The following LARP1B variants were observed in gnomAD, a reference collection of about 807,000 sequenced individuals.
LARP1B encodes la-related protein 1B.
LARP1B carries 76 observed loss-of-function variants against 114.2 expected under a neutral mutation model. The ratio of observed to expected loss-of-function variants is 0.67; its 90% CI spans 0.55 to 0.81. LARP1B has a LOEUF of 0.81. Ranked by LOEUF, LARP1B falls within the 30% of genes least tolerant of loss-of-function variation. The pLI is 0.00. For missense variants in LARP1B, 1,014 were observed against 1,075.8 expected (o/e 0.94, Z 0.80); for synonymous variants, 345 against 348.0 (o/e 0.99, Z 0.10).
At chr4:128,091,593 G>T in intron 7 of LARP1B, 81 bp downstream of exon 7, 1 of 1,161,302 alleles carries the variant, frequency 8.6e-7, no homozygotes. Context: ...TAATGAATAT[G>T]CTATAATTTT....
chr4:128,103,215 C>T (rs749652099), intron 8 of LARP1B, among the ~76,000 whole-genome samples: 2 of 152,114 alleles, frequency 1.3e-5, no homozygotes, highest in Non-Finnish European at 2.9e-5. Context: ...TAATTTTGTG[C>T]ATGGTGTAAT....
At chr4:128,186,479 TG>T (rs1316690003) in intron 15 of LARP1B, among the ~76,000 whole-genome samples, 11 of 152,090 alleles carry the variant, frequency 7.2e-5, no homozygotes, top group South Asian at 2.1e-4. Flanking sequence ...TAAATGCTAC[TG>T]TTTTTTTGTA....
Position 128,082,217 on chromosome 4 carries a change from T to C in LARP1B, c.270T>C (p.Ser90=). The stretch of plus-strand genomic sequence containing the variant: ...ACTTAGATGTTGTAAGATCAGAGAG[T>C]CAAGAAAGACCTGGATCCCGGAACA... The part of the protein sequence containing the change: ...PLHLDVVRSE[S]QERPGSRNSS... Residue 90 remains serine, a synonymous_variant, in exon 5 of 20, where the codon AGT becomes AGC. Transcript: ENST00000326639. The C allele has an allele frequency of 6.2e-7, 1 of 1,612,602 alleles. No homozygotes were observed.
At chr4:128,066,697 C>T (rs1358540226) in intron 1 of LARP1B, among the ~76,000 whole-genome samples, 4 of 151,846 alleles carry the variant, frequency 2.6e-5, no homozygotes, top group Admixed American at 6.6e-5. Flanking sequence ...AGGCTGGTCT[C>T]GACTTCCTGA....
intron 5 of LARP1B, among the ~76,000 whole-genome samples, chr4:128,089,020 A>G (rs1295131487): frequency 6.6e-6 from 1 of 152,124 alleles, no homozygotes; most frequent in Admixed American, 6.5e-5. Flanking sequence ...GGATGGAACT[A>G]TGGGATCTAG....
At chr4:128,066,526 G>A (rs1457886115) in intron 1 of LARP1B, among the ~76,000 whole-genome samples, 2 of 149,366 alleles carry the variant, frequency 1.3e-5, no homozygotes, top group Non-Finnish European at 3.0e-5. Flanking sequence ...TGCCCAGGCC[G>A]GAGTGCAATG....
Position 128,210,256 on chromosome 4 carries a change from A to G in LARP1B, c.*203A>G. 7.2e-7 allele frequency: 1 copy of G among 1,392,440 alleles called. No homozygotes were observed. Among genetic ancestry groups the G allele is most frequent in the Admixed American group, 3.0e-5 (1 of 33,812 alleles). 86.3% of individuals were successfully genotyped at this position (1,392,440 alleles called of 1,614,324 possible). On this transcript the variant is annotated 3_prime_UTR_variant, in exon 20 of 20. Coordinates refer to ENST00000326639, the MANE Select transcript of LARP1B (RefSeq NM_018078.4). ...TTTTCTAACAAGATAAATTCTAAAAATGTTTTCCCTGATTTCACAAACAAG... is the reference window on the plus strand; with the variant it reads ...TTTTCTAACAAGATAAATTCTAAAAGTGTTTTCCCTGATTTCACAAACAAG...
At chr4:128,134,465 T>TA (rs745447180) in intron 11 of LARP1B, among the ~76,000 whole-genome samples, 13 of 152,184 alleles carry the variant, frequency 8.5e-5, no homozygotes, top group Non-Finnish European at 1.6e-4. Flanking sequence ...ATTAAAGACT[T>TA]AAACATATTA....
chr4:128,146,466 G>T (rs1397608286), intron 11 of LARP1B, among the ~76,000 whole-genome samples: 1 of 152,112 alleles, frequency 6.6e-6, no homozygotes, highest in African/African-American at 2.4e-5. Context: ...TAAAAGTTTG[G>T]TGGATGTTAG....
rs35273414 is a variant in LARP1B at position 128,199,475 on chromosome 4, A to G, written c.2040A>G (p.Leu680=). Residue 680 remains leucine (L), a synonymous_variant, in exon 16 of 20, where the codon CTA becomes CTG. Transcript: ENST00000326639. ...SNASPSEGAP[L]AGSYGCTPHS... is the part of the protein sequence containing the mutation. ...CTTCACCTTCAGAAGGCGCACCACT[A>G]GCAGGAAGTTATGGATGTACTCCTC... is the stretch of plus-strand genomic sequence containing the variant. The G allele has an allele frequency of 5.3e-4, 835 of 1,582,542 alleles. 7 individuals carry two copies. The African/African-American group carries it at 9.8e-3, about 19-fold the overall frequency.
rs1020165999 is a variant in LARP1B, at chr4:128,179,323, C to T, written c.1897-83C>T. 1.2e-5 allele frequency: 9 copies of T among 779,552 alleles called. No individual in the cohort carries two copies. The South Asian group carries it at 2.0e-4, about 17-fold the overall frequency. 48.3% of individuals were successfully genotyped at this position (779,552 alleles called of 1,614,324 possible). The stretch of plus-strand genomic sequence containing the variant: ...TCTACAGTATGAAAATGTTTGAGTT[C>T]ATTTATAGTCAGAGGGTTTTAATTT... On this transcript the variant is annotated intron_variant, in intron 14 of 19. Coordinates refer to ENST00000326639, the MANE Select transcript of LARP1B (RefSeq NM_018078.4).
intron 11 of LARP1B, among the ~76,000 whole-genome samples, chr4:128,161,381 C>A (rs1456456648): frequency 1.3e-5 from 2 of 152,152 alleles, no homozygotes; most frequent in Admixed American, 6.5e-5. Flanking sequence ...GCCTCCAGAA[C>A]CCCAGAGGCA....
intron 4 of LARP1B, 42 bp from the exon 5 acceptor site, chr4:128,082,122 GA>G: frequency 1.9e-6 from 3 of 1,588,336 alleles, no homozygotes; most frequent in Middle Eastern, 4.6e-4. Context: ...AGGGTTTAGT[GA>G]AAATTGTACA....
At chr4:128,071,841 G>T (rs1232461720) in intron 1 of LARP1B, among the ~76,000 whole-genome samples, 4 of 152,108 alleles carry the variant, frequency 2.6e-5, no homozygotes, top group African/African-American at 4.8e-5. Context: ...AAAGATTATG[G>T]TCATAAGAAT....
chr4:128,191,299 GT>G (rs1412349823), intron 15 of LARP1B, among the ~76,000 whole-genome samples: 3 of 151,970 alleles, frequency 2.0e-5, no homozygotes, highest in Non-Finnish European at 2.9e-5. Context: ...ATAGTTCCGT[GT>G]TTGCTGTTGT....
chr4:128,074,293 CTA>C (rs2149385758), intron 1 of LARP1B, among the ~76,000 whole-genome samples, 165 bp from the exon 2 acceptor site: 1 of 152,230 alleles, frequency 6.6e-6, no homozygotes, highest in Admixed American at 6.5e-5. Flanking sequence ...CACCTTGAAT[CTA>C]TGTGTCAAAT....
intron 11 of LARP1B, among the ~76,000 whole-genome samples, chr4:128,147,240 C>T (rs1241893035): frequency 6.6e-6 from 1 of 152,184 alleles, no homozygotes; most frequent in Non-Finnish European, 1.5e-5. Context: ...CCCCAAACAA[C>T]TGGCTGGCTT....
At chr4:128,191,395 T>C (rs1229593884) in intron 15 of LARP1B, among the ~76,000 whole-genome samples, 1 of 152,244 alleles carries the variant, frequency 6.6e-6, no homozygotes, top group African/African-American at 2.4e-5. Context: ...TTTGTCTTTC[T>C]AAGGTATGTT....
chr4:128,204,472 T>C (rs572295560), intron 17 of LARP1B, among the ~76,000 whole-genome samples: 14 of 151,664 alleles, frequency 9.2e-5, no homozygotes, highest in African/African-American at 2.2e-4. Context: ...CTGGCCAACA[T>C]GGTGAAACCC....
Sources: allele counts gnomAD v4.1 joint callset (sites outside exome capture counted in the v4.1 genomes callset), GRCh38; gene constraint gnomAD v4.1.1; transcripts MANE v1.5; gene names NCBI Gene and HGNC (gene_info 2026-07-23, HGNC 2026-07-21).